The following GRID1 variants were observed in gnomAD, a reference collection of about 807,000 sequenced individuals.
GRID1 encodes glutamate receptor ionotropic, delta-1.
Under a neutral mutation model 98.0 loss-of-function variants are expected in GRID1, and 28 were observed. The ratio of observed to expected loss-of-function variants is 0.29; its 90% confidence interval spans 0.21 to 0.39. The LOEUF is 0.39. GRID1 is among the 10% of genes least tolerant of loss of function. GRID1 has a pLI of 1.00. For synonymous variants in GRID1, 553 were observed against 538.5 expected (o/e 1.03, Z -0.37); for missense variants, 1,111 against 1,340.5 (o/e 0.83, Z 2.67).
At chr10:86,046,694 A>T (rs1292850557) in intron 4 of GRID1, among the ~76,000 whole-genome samples, 3 of 152,134 alleles carry the variant, frequency 2.0e-5, no homozygotes, top group Non-Finnish European at 4.4e-5. Flanking sequence ...GGAAGAAGGG[A>T]TTGTTATCTT....
At chr10:85,697,857 G>A (rs908423351) in intron 12 of GRID1, among the ~76,000 whole-genome samples, 2 of 151,980 alleles carry the variant, frequency 1.3e-5, no homozygotes, top group African/African-American at 4.8e-5. Flanking sequence ...AGTCATATAC[G>A]GATTCTGATC....
At chr10:86,004,608 C>T (rs1030538032) in intron 4 of GRID1, among the ~76,000 whole-genome samples, 2 of 152,182 alleles carry the variant, frequency 1.3e-5, no homozygotes, top group African/African-American at 4.8e-5. Context: ...ACTTCATCTG[C>T]ATTATTGGCC....
At chr10:86,304,924 T>C (rs1449355941) in intron 2 of GRID1, among the ~76,000 whole-genome samples, 1 of 152,142 alleles carries the variant, frequency 6.6e-6, no homozygotes, top group East Asian at 1.9e-4. Context: ...TGTCCCTGTC[T>C]GCGGTGGTTA....
intron 12 of GRID1, among the ~76,000 whole-genome samples, chr10:85,689,252 A>G (rs182530065): frequency 6.6e-6 from 1 of 152,338 alleles, no homozygotes; most frequent in Admixed American, 6.5e-5. Flanking sequence ...CAGATAGGCT[A>G]ATAAGGAAAG....
At chr10:85,701,085 C>T (rs1341237113) in intron 12 of GRID1, among the ~76,000 whole-genome samples, 1 of 152,054 alleles carries the variant, frequency 6.6e-6, no homozygotes, top group African/African-American at 2.4e-5. Context: ...GTATCATGAA[C>T]CAGGGAAGGC....
At chr10:85,682,887 C>T (rs755522572) in intron 12 of GRID1, among the ~76,000 whole-genome samples, 1 of 152,242 alleles carries the variant, frequency 6.6e-6, no homozygotes, top group Non-Finnish European at 1.5e-5. Context: ...CAAGAAGATT[C>T]GCCTTCTGGC....
intron 4 of GRID1, among the ~76,000 whole-genome samples, chr10:86,023,421 T>G (rs942856600): frequency 6.6e-6 from 1 of 152,056 alleles, no homozygotes; most frequent in African/African-American, 2.4e-5. Flanking sequence ...TTTCAAAGGG[T>G]GCTCTTGAAC....
At chr10:86,350,332 A>G (rs1848445902) in intron 2 of GRID1, among the ~76,000 whole-genome samples, 1 of 152,192 alleles carries the variant, frequency 6.6e-6, no homozygotes, top group Non-Finnish European at 1.5e-5. Context: ...GATTTTTCAG[A>G]TAACTCTGGC....
intron 4 of GRID1, among the ~76,000 whole-genome samples, chr10:86,135,814 C>G (rs1440606864): frequency 2.0e-5 from 3 of 152,238 alleles, no homozygotes; most frequent in Non-Finnish European, 4.4e-5. Context: ...TGAATGAATG[C>G]CATTTTGCAA....
chr10:85,804,103 A>G (rs980639960), intron 8 of GRID1, among the ~76,000 whole-genome samples: 6 of 151,744 alleles, frequency 4.0e-5, no homozygotes, highest in Admixed American at 1.3e-4. Context: ...CATTCTTGAC[A>G]GTAACAATAA....
At chr10:85,968,312 C>A (rs377604035) in intron 4 of GRID1, among the ~76,000 whole-genome samples, 10 of 151,902 alleles carry the variant, frequency 6.6e-5, no homozygotes, top group African/African-American at 2.2e-4. Context: ...TTTGCTGGGC[C>A]TGGTGGCGGG....
At chr10:86,155,963 C>A (rs771551843) in intron 3 of GRID1, among the ~76,000 whole-genome samples, 3 of 152,152 alleles carry the variant, frequency 2.0e-5, no homozygotes, top group African/African-American at 7.2e-5. Context: ...GAGGACAAAG[C>A]CCCCAGACAT....
rs1156384223 is a variant in GRID1, at chr10:85,820,027, A to AAGGCAGGCAGGC, written c.1233+34457_1233+34468dup. Among the ~76,000 whole-genome samples the AAGGCAGGCAGGC allele has an allele frequency of 3.5e-4, 23 of 66,520 alleles. No individual in the cohort carries two copies. The East Asian group carries it at 6.6e-3, about 19-fold the overall frequency. The allele number at this position is 66,520 out of a possible 152,430, so 43.6% of individuals were successfully genotyped here. A position where few individuals can be genotyped will look rare whatever the true frequency, so the allele number is the denominator to read the frequency against. On this transcript the variant is annotated intron_variant, in intron 8 of 15. Transcript: ENST00000327946. ...GAAGGAAGGAAGGAAGGAAGGAAGG[A>AAGGCAGGCAGGC]AGGCAGGCAGGCAGGCAGGCAGGCA... is the stretch of plus-strand genomic sequence containing the variant.
chr10:85,759,904 G>C (rs1382330117), intron 8 of GRID1, among the ~76,000 whole-genome samples: 1 of 152,186 alleles, frequency 6.6e-6, no homozygotes, highest in African/African-American at 2.4e-5. Flanking sequence ...TTCCACCTCT[G>C]AGGGCATCCT....
chr10:86,052,119 A>G (rs1231767160), intron 4 of GRID1, among the ~76,000 whole-genome samples: 1 of 152,198 alleles, frequency 6.6e-6, no homozygotes, highest in South Asian at 2.1e-4. Flanking sequence ...AAAAATAGGC[A>G]AGCCTTTCTA....
chr10:85,705,116 G>T (rs182565297), intron 12 of GRID1, among the ~76,000 whole-genome samples: 9 of 152,202 alleles, frequency 5.9e-5, no homozygotes, highest in African/African-American at 1.7e-4. Context: ...AAATAACTAA[G>T]ATCAGAGCAG....
At chr10:85,774,670 TG>T (rs1039992827) in intron 8 of GRID1, among the ~76,000 whole-genome samples, 6 of 152,062 alleles carry the variant, frequency 3.9e-5, no homozygotes, top group African/African-American at 1.4e-4. Flanking sequence ...GCAAAGGACA[TG>T]AACAGACACT....
chr10:86,248,216 C>T (rs1564718326), intron 2 of GRID1, among the ~76,000 whole-genome samples: 1 of 152,242 alleles, frequency 6.6e-6, no homozygotes, highest in Non-Finnish European at 1.5e-5. Flanking sequence ...TGAGGCAGCT[C>T]CTGCCAGCGG....
At chr10:85,802,838 AACAC>A (rs59101010) in intron 8 of GRID1, among the ~76,000 whole-genome samples, 4,823 of 120,898 alleles carry the variant, frequency 0.04, 173 homozygotes, top group East Asian at 0.16. Flanking sequence ...AAGCAGAATA[AACAC>A]ACACACACAC....
Sources: gnomAD v4.1 joint callset for allele counts (sites outside exome capture counted in the v4.1 genomes callset) on GRCh38, gnomAD v4.1.1 for gene constraint, MANE v1.5 for transcripts, NCBI Gene and HGNC (gene_info 2026-07-23, HGNC 2026-07-21) for gene names.